Variants in RASAL2 observed in about 807,000 individuals in gnomAD.
The protein encoded by RASAL2 is RAS protein activator like 2.
In RASAL2, 58 loss-of-function variants were observed where a neutral mutation model predicts 128.9. The ratio of observed to expected loss-of-function variants is 0.45; its 90% CI spans 0.36 to 0.56. The LOEUF (loss-of-function observed/expected upper bound fraction) is 0.56. Ranked by LOEUF, RASAL2 falls within the 20% of genes least tolerant of loss-of-function variation. The probability of loss-of-function intolerance (pLI) is 0.00; values close to 1 mark genes in which losing one functional copy is unlikely to be tolerated. For missense variants in RASAL2, 1,360 were observed against 1,601.6 expected, an observed-to-expected ratio of 0.85 and a Z score of 2.57; for synonymous variants, 561 against 580.8, an observed-to-expected ratio of 0.97 and a Z score of 0.49.
chr1:178,374,194 C>T (rs1164387778), intron 3 of RASAL2, among the ~76,000 whole-genome samples: 1 of 152,106 alleles, frequency 6.6e-6, no homozygotes, highest in Non-Finnish European at 1.5e-5. Flanking sequence ...GAATGAGGAA[C>T]AAAACTATCT....
chr1:178,457,908 A>G lies in RASAL2; in HGVS notation c.2616A>G (p.Ile872Met), dbSNP rs1572111309. The change falls in exon 14 of 18, where the codon ATA becomes ATG. Residue 872 changes from isoleucine (I) to methionine (M), a missense_variant. Around this residue, in one of 3 missense-constraint regions of RASAL2, gnomAD observed 741 missense variants for 868.6 expected, o/e 0.85. Coordinates refer to ENST00000367649, the MANE Select transcript of RASAL2 (RefSeq NM_170692.4). ...EHASVMLDVPIRLTGSQLSIT... is the reference protein window; with the variant it reads ...EHASVMLDVPMRLTGSQLSIT... ...CATCTGTCATGCTTGATGTGCCTAT[A>G]CGCTTGACCGGAAGCCAGCTTTCCA... The G allele has an allele frequency of 1.9e-6, 3 of 1,614,112 alleles. No individual in the cohort carries two copies. The highest frequency in any genetic ancestry group is 1.6e-4 in the Middle Eastern group (1 of 6,062).
intron 1 of RASAL2, among the ~76,000 whole-genome samples, chr1:178,201,357 T>C (rs1326394944): frequency 6.6e-6 from 1 of 152,184 alleles, no homozygotes; most frequent in Non-Finnish European, 1.5e-5. Context: ...CTTGGTTTAA[T>C]GTAGAGGAAG....
In RASAL2 at chr1:178,452,663, C is replaced by T; in HGVS notation, c.2009+11C>T. On this transcript the variant is annotated intron_variant, in intron 11 of 17. Transcript: ENST00000367649. ...GGCCAACTTTGCCAAGTAGGTGATA[C>T]TGTTGTAACCACTTTAAAAACACAG... 1 of 1,585,254 alleles carries T rather than the reference C, an allele frequency of 6.3e-7. No individual in the cohort carries two copies. The highest frequency in any genetic ancestry group is 8.7e-7 in the Non-Finnish European group (1 of 1,154,456).
At chr1:178,440,516 C>T (rs189072010) in intron 6 of RASAL2, among the ~76,000 whole-genome samples, 4 of 152,188 alleles carry the variant, frequency 2.6e-5, no homozygotes, top group East Asian at 1.9e-4. Context: ...AGGCTAGTAG[C>T]TGCTGTATTG....
rs542002821 is a variant in RASAL2, at chr1:178,376,413, G to C, written c.458-13687G>C. 1.7e-3 allele frequency among the ~76,000 whole-genome samples: 252 copies of C among 152,228 alleles called. 2 individuals are homozygous for C. Among genetic ancestry groups the C allele is most frequent in the African/African-American group, 5.9e-3 (244 of 41,556 alleles). ...GTTAAAAACTAGATTGAGAAGACTT[G>C]TACATATTTTTAAGTGGAGGAGAGA... On this transcript the variant is annotated intron_variant, in intron 3 of 17. Transcript: ENST00000367649.
intron 3 of RASAL2, among the ~76,000 whole-genome samples, chr1:178,306,020 G>C (rs1461653490): frequency 6.6e-6 from 1 of 152,202 alleles, no homozygotes; most frequent in Non-Finnish European, 1.5e-5. Context: ...ACTTCTTATT[G>C]ACAAGAGTTC....
chr1:178,460,979 A>G (rs371528827), intron 14 of RASAL2, among the ~76,000 whole-genome samples: 15 of 151,876 alleles, frequency 9.9e-5, no homozygotes, highest in East Asian at 9.7e-4. Context: ...ACGCCTGGCT[A>G]ATTTTTGTAT....
rs1648628935 is a variant in RASAL2 at position 178,475,739 on chromosome 1, A to G, written c.*2500A>G. On this transcript the variant is annotated 3_prime_UTR_variant, in exon 18 of 18. Coordinates refer to ENST00000367649, the MANE Select transcript of RASAL2 (RefSeq NM_170692.4). ...TCCTTAGAGGGCTGTCTTCACTGAAAGATTTAATGCCCAAAACATTTGGAC... is the reference window on the plus strand; with the variant it reads ...TCCTTAGAGGGCTGTCTTCACTGAAGGATTTAATGCCCAAAACATTTGGAC... 6.6e-6 allele frequency: 1 copy of G among 152,240 alleles called. No individual in the cohort carries two copies. Among genetic ancestry groups the G allele is most frequent in the Non-Finnish European group, 1.5e-5 (1 of 68,034 alleles). The allele number at this position is 152,240 out of a possible 1,614,324, so 9.4% of individuals were successfully genotyped here.
At chr1:178,205,478 C>T (rs957584122) in intron 1 of RASAL2, among the ~76,000 whole-genome samples, 6 of 151,874 alleles carry the variant, frequency 4.0e-5, no homozygotes, top group Admixed American at 1.3e-4. Flanking sequence ...TCTTATGGGC[C>T]GGGCGCAGTG....
chr1:178,409,455 C>T (rs150487779), intron 4 of RASAL2, among the ~76,000 whole-genome samples: 11 of 152,060 alleles, frequency 7.2e-5, no homozygotes, highest in South Asian at 2.1e-4. Context: ...CATTCCTAAG[C>T]GGTATCAAAA....
chr1:178,108,845 A>G (rs1340021522), intron 1 of RASAL2, among the ~76,000 whole-genome samples: 3 of 152,198 alleles, frequency 2.0e-5, no homozygotes, highest in Non-Finnish European at 4.4e-5. Context: ...ATCGAGTTGT[A>G]TAAGTTTTAT....
intron 4 of RASAL2, among the ~76,000 whole-genome samples, chr1:178,408,473 TC>T (rs776331996): frequency 2.9e-4 from 44 of 152,290 alleles, no homozygotes; most frequent in Non-Finnish European, 5.6e-4. Context: ...AAAAGCCATT[TC>T]AATAAGGTTT....
At chr1:178,125,798 G>GT (rs1205234993) in intron 1 of RASAL2, among the ~76,000 whole-genome samples, 1 of 152,090 alleles carries the variant, frequency 6.6e-6, no homozygotes, top group African/African-American at 2.4e-5. Context: ...GACTAATTGC[G>GT]TAAGACATCT....
At chr1:178,174,466 T>C (rs1298614217) in intron 1 of RASAL2, among the ~76,000 whole-genome samples, 1 of 152,156 alleles carries the variant, frequency 6.6e-6, no homozygotes, top group Non-Finnish European at 1.5e-5. Context: ...TGTACTTTTC[T>C]AACACATGAA....
rs536803555 is a variant in RASAL2 at position 178,351,117 on chromosome 1, C to G, written c.458-38983C>G. ...GAACTCACTATCCTGATGACAGGAC[C>G]AAGGTTGCATGGTGTTAAACCATGA... On this transcript the variant is annotated intron_variant, in intron 3 of 17. Transcript: ENST00000367649. 7.2e-5 allele frequency among the ~76,000 whole-genome samples: 11 copies of G among 152,208 alleles called. No homozygotes were observed. The East Asian group carries it at 2.1e-3, about 29-fold the overall frequency.
At chr1:178,319,226 A>C (rs1047357993) in intron 3 of RASAL2, among the ~76,000 whole-genome samples, 12 of 151,360 alleles carry the variant, frequency 7.9e-5, no homozygotes, top group African/African-American at 2.9e-4. Flanking sequence ...TGCCCTTAAC[A>C]TTTTTTCCTT....
At chr1:178,419,378 A>G (rs568905853) in intron 4 of RASAL2, among the ~76,000 whole-genome samples, 3 of 152,224 alleles carry the variant, frequency 2.0e-5, no homozygotes, top group South Asian at 4.1e-4. Context: ...AGTTCAAGCA[A>G]TCCTCCCACA....
intron 1 of RASAL2, among the ~76,000 whole-genome samples, chr1:178,134,457 C>CAAAAAAAAA (rs59410623): frequency 9.0e-6 from 1 of 111,548 alleles, no homozygotes. Context: ...GACCCTATCT[C>CAAAAAAAAA]AAAAAAAAAA....
intron 3 of RASAL2, among the ~76,000 whole-genome samples, chr1:178,327,036 A>T (rs1052224097): frequency 1.3e-5 from 2 of 152,244 alleles, no homozygotes; most frequent in African/African-American, 4.8e-5. Flanking sequence ...CAAGTTTCAT[A>T]TAGTAATATT....
Sources: allele counts gnomAD v4.1 joint callset (sites outside exome capture counted in the v4.1 genomes callset), GRCh38; gene constraint gnomAD v4.1.1; regional missense constraint gnomAD v4.1.1; transcripts MANE v1.5; gene names NCBI Gene and HGNC (gene_info 2026-07-23, HGNC 2026-07-21).